Variants in ART3 observed in about 807,000 individuals in gnomAD.
The protein encoded by ART3 is ADP-ribosyltransferase 3 (inactive), also known as ecto-ADP-ribosyltransferase 3.
Under a neutral mutation model 48.5 loss-of-function variants are expected in ART3, and 49 were observed. That is an observed-to-expected ratio of 1.01 (90% confidence interval 0.80 to 1.28). The LOEUF (loss-of-function observed/expected upper bound fraction) is 1.28. Among genes scored for constraint, ART3 ranks in the 50% most tolerant of loss-of-function variants. The pLI is 0.00. For missense variants in ART3, 438 were observed against 454.3 expected, an observed-to-expected ratio of 0.96 and a Z score of 0.33; for synonymous variants, 145 against 157.2, an observed-to-expected ratio of 0.92 and a Z score of 0.58.
chr4:76,100,736 G>A, intron 6 of ART3, 59 bp from the exon 7 acceptor site: 1 of 1,579,510 alleles, frequency 6.3e-7, no homozygotes. Flanking sequence ...TGTAGCTGTA[G>A]TAACTGCCAA....
At chr4:76,054,650 A>G (rs1718500274) in intron 1 of ART3, among the ~76,000 whole-genome samples, 1 of 96,284 alleles carries the variant, frequency 1.0e-5, no homozygotes, top group Non-Finnish European at 2.1e-5. Flanking sequence ...TAAGCAACAT[A>G]GTGAGACCCC....
At chr4:76,110,407 A>G (rs550709301) in intron 11 of ART3, among the ~76,000 whole-genome samples, 66 of 152,282 alleles carry the variant, frequency 4.3e-4, no homozygotes, top group Non-Finnish European at 8.7e-4. Flanking sequence ...AAGGGACTTG[A>G]GCATCTGTGG....
At chr4:76,105,892 A>C (rs887078338) in intron 10 of ART3, 54 of 985,294 alleles carry the variant, frequency 5.5e-5, no homozygotes, top group Non-Finnish European at 6.4e-5. Context: ...AAGAACTGTG[A>C]ATGAGGACTG....
Position 76,082,278 on chromosome 4 carries a change from T to C in ART3, c.524T>C (p.Leu175Pro). 2 of 1,614,218 alleles carry C rather than the reference T, an allele frequency of 1.2e-6. No individual in the cohort carries two copies. The highest frequency in any genetic ancestry group is 1.7e-6 in the Non-Finnish European group (2 of 1,180,030). ...GGCACTTCATTTACATTTGGAGGGC[T>C]AAACCAAGCCAGGTTTGGCCATTTT... ...SQGTSFTFGG[L>P]NQARFGHFTL... The change falls in exon 3 of 12, where the codon CTA (leucine) becomes CCA (proline). Residue 175 changes from leucine to proline, a missense_variant. By Grantham distance (98) the Leu-to-Pro change is moderately conservative. Coordinates refer to ENST00000355810, the MANE Select transcript of ART3 (RefSeq NM_001130016.3).
intron 1 of ART3, among the ~76,000 whole-genome samples, chr4:76,063,687 G>A (rs748312583): frequency 3.3e-5 from 5 of 151,962 alleles, no homozygotes; most frequent in Admixed American, 1.3e-4. Context: ...ACAGAGACTC[G>A]GAGAACATAA....
chr4:76,020,429 T>A (rs943845465), intron 1 of ART3, among the ~76,000 whole-genome samples: 3 of 152,316 alleles, frequency 2.0e-5, no homozygotes, highest in African/African-American at 7.2e-5. Flanking sequence ...ATGGGAATTC[T>A]TTACATATTC....
At chr4:76,100,182 A>T (rs964042857) in intron 5 of ART3, 109 bp from the exon 6 acceptor site, 8 of 1,120,714 alleles carry the variant, frequency 7.1e-6, no homozygotes, top group African/African-American at 4.8e-5. Context: ...GACGTATCAA[A>T]TGGTTCTTTA....
At chr4:76,111,994 G>A (rs1341374919) in intron 11 of ART3, 3 of 154,644 alleles carry the variant, frequency 1.9e-5, no homozygotes, top group Non-Finnish European at 4.3e-5. Flanking sequence ...TGGAATTACA[G>A]GTGTGAGCCA....
chr4:76,111,488 TTTCTC>T (rs1290034163), intron 11 of ART3, among the ~76,000 whole-genome samples: 5 of 152,164 alleles, frequency 3.3e-5, no homozygotes, highest in Non-Finnish European at 7.3e-5. Flanking sequence ...GTAAATGTGT[TTTCTC>T]TTCCTTATGA....
At chr4:76,090,242 TATG>T (rs759109741) in intron 3 of ART3, among the ~76,000 whole-genome samples, 7 of 152,218 alleles carry the variant, frequency 4.6e-5, no homozygotes, top group African/African-American at 7.2e-5. Context: ...AAGATTTCCA[TATG>T]ACAGTGGAGC....
At chr4:76,069,403 T>TTTTTG (rs1720088605) in intron 1 of ART3, among the ~76,000 whole-genome samples, 1 of 149,116 alleles carries the variant, frequency 6.7e-6, no homozygotes, top group Non-Finnish European at 1.5e-5. Flanking sequence ...TTTTTTTTTT[T>TTTTTG]TTTTGAGACA....
chr4:76,073,115 A>C (rs1234202101), upstream of ART3, among the ~76,000 whole-genome samples: 1 of 152,230 alleles, frequency 6.6e-6, no homozygotes, highest in African/African-American at 2.4e-5. Context: ...AACTTCACAA[A>C]GGCAAGATAT....
chr4:76,090,010 G>A (rs1399947881), intron 3 of ART3, among the ~76,000 whole-genome samples: 3 of 152,148 alleles, frequency 2.0e-5, no homozygotes, highest in African/African-American at 7.2e-5. Flanking sequence ...AACCTGGGAG[G>A]CAGAGGTTGC....
intron 1 of ART3, chr4:76,075,188 A>G (rs926801009): frequency 6.6e-6 from 1 of 152,190 alleles, no homozygotes; most frequent in African/African-American, 2.4e-5. Context: ...ACTGGGATGA[A>G]TATTAGGCAT....
chr4:76,079,593 G>C (rs1028818512), intron 2 of ART3, among the ~76,000 whole-genome samples: 1 of 152,156 alleles, frequency 6.6e-6, no homozygotes, highest in African/African-American at 2.4e-5. Flanking sequence ...ACGTAGCCTT[G>C]AGGAACTCCA....
chr4:76,104,146 C>T (rs918984294), intron 9 of ART3, among the ~76,000 whole-genome samples, 177 bp downstream of exon 9: 2 of 152,164 alleles, frequency 1.3e-5, no homozygotes, highest in Non-Finnish European at 1.5e-5. Flanking sequence ...TCCTCCTGTG[C>T]ATTCATGTGC....
upstream of ART3, among the ~76,000 whole-genome samples, chr4:76,070,441 G>T (rs564039834): frequency 1.3e-5 from 2 of 152,032 alleles, no homozygotes; most frequent in East Asian, 3.9e-4. Flanking sequence ...GTTGAACATC[G>T]TTTTCTACTT....
upstream of ART3, among the ~76,000 whole-genome samples, chr4:76,070,412 T>C (rs773273259): frequency 6.6e-5 from 10 of 152,214 alleles, no homozygotes; most frequent in Admixed American, 2.0e-4. Context: ...TTAATTTGCA[T>C]TTACCTGATG....
At chr4:76,026,246 A>G (rs1733373065) in intron 1 of ART3, among the ~76,000 whole-genome samples, 1 of 151,992 alleles carries the variant, frequency 6.6e-6, no homozygotes, top group East Asian at 1.9e-4. Flanking sequence ...AGCAGACATG[A>G]CTTTAATTCT....
Sources: gnomAD v4.1 joint callset for allele counts (sites outside exome capture counted in the v4.1 genomes callset) on GRCh38, gnomAD v4.1.1 for gene constraint, MANE v1.5 for transcripts, NCBI Gene and HGNC (gene_info 2026-07-23, HGNC 2026-07-21) for gene names.